SH2D3C: variants seen among roughly 807,000 people sequenced by gnomAD.
SH2D3C encodes the protein SH2 domain-containing protein 3C.
Under a neutral mutation model 75.2 loss-of-function variants are expected in SH2D3C, and 25 were observed. The ratio of observed to expected loss-of-function variants is 0.33; its 90% CI spans 0.24 to 0.46. SH2D3C has a LOEUF of 0.46. SH2D3C is among the 20% of genes least tolerant of loss of function. The probability of loss-of-function intolerance (pLI) is 1.00; values close to 1 mark genes in which losing one functional copy is unlikely to be tolerated. For synonymous variants in SH2D3C, 450 were observed against 473.7 expected (o/e 0.95, Z 0.65); for missense variants, 933 against 1,165.3 (o/e 0.80, Z 2.90).
Position 127,738,465 on chromosome 9 carries a change from C to G in SH2D3C, c.*281G>C. 1 of 309,932 alleles carries G rather than the reference C, an allele frequency of 3.2e-6. No homozygotes were observed. Among genetic ancestry groups the G allele is most frequent in the Admixed American group, 4.9e-5 (1 of 20,584 alleles). 19.2% of individuals were successfully genotyped at this position (309,932 alleles called of 1,614,324 possible). A position where few individuals can be genotyped will look rare whatever the true frequency, so the allele number is the denominator to read the frequency against. ...TGAGGAGGCGTGAGCAGCCTGCCTC[C>G]CATGGCTCGAAAACAGGGAACCCCA... On this transcript the variant is annotated 3_prime_UTR_variant, in exon 12 of 12. Transcript: ENST00000314830. This position sits in a 1 kb window ranked among gnomAD's most constrained non-coding sequence, Gnocchi z 5.0.
chr9:127,772,025 G>A (rs977408745), intron 2 of SH2D3C, among the ~76,000 whole-genome samples: 1 of 152,164 alleles, frequency 6.6e-6, no homozygotes, highest in Non-Finnish European at 1.5e-5. Flanking sequence ...GATTTGTCCA[G>A]TCATGCAGCC....
At chr9:127,772,507 AC>A (rs1845754667) in intron 2 of SH2D3C, among the ~76,000 whole-genome samples, 2 of 152,042 alleles carry the variant, frequency 1.3e-5, no homozygotes, top group Admixed American at 6.6e-5. Flanking sequence ...TGATCTGCCT[AC>A]CTCGGCCACC....
intron 3 of SH2D3C, among the ~76,000 whole-genome samples, chr9:127,758,985 G>A (rs1442626280): frequency 6.6e-6 from 1 of 152,198 alleles, no homozygotes; most frequent in Non-Finnish European, 1.5e-5. Context: ...GCAGTGAGGA[G>A]CTAGGCCAGC....
rs1588508377 is a variant in SH2D3C, at chr9:127,755,084, C to G, written c.556-3784G>C. The G allele has an allele frequency of 9.1e-6, 11 of 1,208,508 alleles. No individual in the cohort carries two copies. In the East Asian group the frequency reaches 3.1e-4, roughly 34 times the overall value. The allele number at this position is 1,208,508 out of a possible 1,614,324, so 74.9% of individuals were successfully genotyped here. On this transcript the variant is annotated intron_variant, in intron 3 of 11. Coordinates refer to ENST00000314830, the MANE Select transcript of SH2D3C (RefSeq NM_170600.3). ...GGGCCGAGCCGCCCCCTCACCTGCA[C>G]CTGCACGAAGGAGCCGCGGTAGAAG...
intron 2 of SH2D3C, chr9:127,762,099 G>T: frequency 1.5e-6 from 1 of 680,734 alleles, no homozygotes; most frequent in Non-Finnish European, 1.9e-6. Flanking sequence ...GGCCCCAAGT[G>T]GGGATCAGCC....
Position 127,751,161 on chromosome 9 carries a change from G to T in SH2D3C, c.684+11C>A, listed in dbSNP as rs775974854. 1.2e-6 allele frequency: 2 copies of T among 1,613,124 alleles called. No homozygotes were observed. The highest frequency in any genetic ancestry group is 3.3e-5 in the Admixed American group (2 of 59,988). ...GGTCCCGGGTTGAAGTCCAGCTCGG[G>T]GCCTACTCACCTCTCGGGGGATGCG... On this transcript the variant is annotated intron_variant, in intron 4 of 11. Transcript: ENST00000314830. This position sits in a 1 kb window ranked among gnomAD's most constrained non-coding sequence, Gnocchi z 4.1.
rs750683663 is a variant in SH2D3C at position 127,754,809 on chromosome 9, C to G, written c.556-3509G>C. The G allele has an allele frequency of 2.1e-6, 1 of 483,698 alleles. No individual in the cohort carries two copies. Among genetic ancestry groups the G allele is most frequent in the Non-Finnish European group, 4.2e-6 (1 of 235,744 alleles). 30.0% of individuals were successfully genotyped at this position (483,698 alleles called of 1,614,324 possible). A position where few individuals can be genotyped will look rare whatever the true frequency, so the allele number is the denominator to read the frequency against. On this transcript the variant is annotated intron_variant, in intron 3 of 11. Coordinates refer to ENST00000314830, the MANE Select transcript of SH2D3C (RefSeq NM_170600.3). This position sits in a 1 kb window ranked among gnomAD's most constrained non-coding sequence, Gnocchi z 4.4. ...CAGTCCCCCCTGCCCCAGCTCTCTC[C>G]CTCCTGCGGAGGAGGCAGAAACGGA...
In SH2D3C at chr9:127,744,620, G is replaced by A; in HGVS notation, c.1744C>T (p.Leu582=). The A allele has an allele frequency of 6.2e-7, 1 of 1,613,224 alleles. No homozygotes were observed. ...VGLLRKVKEL[L]AEVDARTLAR... Reference sequence around the variant, plus strand: ...AGCGTCCGGGCATCCACTTCTGCCAGCAGCTCCTTGACCTTGCGCAGAAGG... The same window carrying A: ...AGCGTCCGGGCATCCACTTCTGCCAACAGCTCCTTGACCTTGCGCAGAAGG... The change falls in exon 7 of 12, where the codon CTG becomes TTG. Residue 582 remains leucine, a synonymous_variant. Transcript: ENST00000314830.
Position 127,774,102 on chromosome 9 carries a change from G to C in SH2D3C, c.403C>G (p.Pro135Ala), listed in dbSNP as rs778994654. The C allele has an allele frequency of 1.3e-5, 21 of 1,614,022 alleles. No individual in the cohort carries two copies. The highest frequency in any genetic ancestry group is 1.7e-5 in the Admixed American group (1 of 60,000). The change falls in exon 2 of 12, where the codon CCA becomes GCA. Residue 135 changes from proline to alanine, a missense_variant. By Grantham distance (27) the Pro-to-Ala change is conservative. Transcript: ENST00000314830. The surrounding 1 kb of genome is among the most constrained non-coding windows in gnomAD (Gnocchi z 4.3). ...GCTGAAGGGTTGGGTTCCATTGCTG[G>C]GGTGTCCTCTAGAGGGCCAGTGGCC... is the stretch of plus-strand genomic sequence containing the variant. ...VKATGPLEDT[P>A]AMEPNPSAVE...
intron 2 of SH2D3C, chr9:127,767,169 G>A (rs1169722215): frequency 6.5e-7 from 1 of 1,534,890 alleles, no homozygotes; most frequent in South Asian, 1.2e-5. Flanking sequence ...AGGAGCTCAG[G>A]ACGGGCGACA....
At chr9:127,741,015 A>C (rs1270907689) in intron 9 of SH2D3C, among the ~76,000 whole-genome samples, 1 of 152,142 alleles carries the variant, frequency 6.6e-6, no homozygotes, top group Non-Finnish European at 1.5e-5. Context: ...AGGCAGGCTC[A>C]GCTCTGAAGT....
chr9:127,740,308 A>G lies in SH2D3C; in HGVS notation c.2150T>C (p.Leu717Pro). Residue 717 changes from leucine to proline, a missense_variant, in exon 10 of 12, where the codon CTG becomes CCG. Transcript: ENST00000314830. ...LRQRHTEGAI[L>P]YEKKLKPFLK... ...AAAAGGCTTGAGCTTCTTCTCGTAC[A>G]GGATGGCACCCTCTGTGTGTCGCTG... is the stretch of plus-strand genomic sequence containing the variant. 1 of 1,614,168 alleles carries G rather than the reference A, an allele frequency of 6.2e-7. No individual in the cohort carries two copies. Among genetic ancestry groups the G allele is most frequent in the Non-Finnish European group, 8.5e-7 (1 of 1,180,036 alleles).
At chr9:127,747,347 C>CTGCA (rs1424051661) in intron 5 of SH2D3C, 76 bp from the exon 6 acceptor site, 1 of 1,405,086 alleles carries the variant, frequency 7.1e-7, no homozygotes, top group Non-Finnish European at 9.6e-7. Flanking sequence ...CCCCCCACCT[C>CTGCA]TGCACCTTGA....
At chr9:127,769,359 C>G (rs1427727653) in intron 2 of SH2D3C, among the ~76,000 whole-genome samples, 1 of 152,164 alleles carries the variant, frequency 6.6e-6, no homozygotes, top group Non-Finnish European at 1.5e-5. Context: ...GTAGAAAAAG[C>G]TGGCTGGGTG....
At chr9:127,759,721 C>T (rs569670727) in intron 3 of SH2D3C, among the ~76,000 whole-genome samples, 11 of 151,892 alleles carry the variant, frequency 7.2e-5, no homozygotes, top group East Asian at 3.9e-4. Flanking sequence ...TGGTGGCTCA[C>T]GCCTGTAATC....
At chr9:127,759,811 G>A (rs888679668) in intron 3 of SH2D3C, among the ~76,000 whole-genome samples, 3 of 151,608 alleles carry the variant, frequency 2.0e-5, no homozygotes, top group African/African-American at 4.8e-5. Flanking sequence ...GTGAAACTCC[G>A]ACTCTACTAA....
At chr9:127,745,180 G>A in intron 6 of SH2D3C, 81 bp from the exon 7 acceptor site, 1 of 1,226,480 alleles carries the variant, frequency 8.2e-7, no homozygotes, top group Non-Finnish European at 1.1e-6. Context: ...CCAAAGAACA[G>A]GCTCCCTCAC....
intron 3 of SH2D3C, chr9:127,755,154 G>T (rs1442376641): frequency 5.7e-6 from 7 of 1,217,556 alleles, no homozygotes; most frequent in Admixed American, 4.3e-5. Context: ...TGCACCGCTC[G>T]GTCATGGTGG....
At chr9:127,767,310 T>A (rs1845653742) in intron 2 of SH2D3C, 2 of 1,432,634 alleles carry the variant, frequency 1.4e-6, no homozygotes, top group African/African-American at 1.4e-5. Flanking sequence ...ATCTACTGAG[T>A]GCTAGTGGAT....
Sources: gnomAD v4.1 joint callset for allele counts (sites outside exome capture counted in the v4.1 genomes callset) on GRCh38, gnomAD v4.1.1 for gene constraint, Gnocchi (gnomAD v3.1) non-coding constraint, MANE v1.5 for transcripts, NCBI Gene and HGNC (gene_info 2026-07-23, HGNC 2026-07-21) for gene names.